The following CNTN5 variants were observed in gnomAD, a reference collection of about 807,000 sequenced individuals.
CNTN5 encodes the protein contactin-5.
A neutral mutation model predicts 129.1 loss-of-function variants in CNTN5; 77 were observed. The observed-to-expected ratio is 0.60, with a 90% CI of 0.50 to 0.72. The LOEUF is 0.72. Ranked by LOEUF, CNTN5 falls within the 30% of genes least tolerant of loss-of-function variation. CNTN5 has a pLI of 0.00. For missense variants in CNTN5, 1,478 were observed against 1,328.8 expected, an observed-to-expected ratio of 1.11 and a Z score of -1.75; for synonymous variants, 509 against 465.6, an observed-to-expected ratio of 1.09 and a Z score of -1.20.
chr11:99,906,086 G>A (rs1054286412), intron 6 of CNTN5, among the ~76,000 whole-genome samples: 5 of 152,122 alleles, frequency 3.3e-5, no homozygotes, highest in African/African-American at 9.7e-5. Flanking sequence ...TGCAAACAGA[G>A]ACAATTTGAC....
chr11:99,696,772 G>A (rs544770114), intron 3 of CNTN5, among the ~76,000 whole-genome samples: 79 of 151,966 alleles, frequency 5.2e-4, no homozygotes, highest in African/African-American at 1.8e-3. Context: ...TGGTATCTTG[G>A]TTTGGCAGTG....
At chr11:99,936,851 A>G (rs1950326843) in intron 7 of CNTN5, among the ~76,000 whole-genome samples, 1 of 152,298 alleles carries the variant, frequency 6.6e-6, no homozygotes, top group East Asian at 1.9e-4. Flanking sequence ...GATATGTTAT[A>G]AGAGTTAAAT....
Position 100,299,197 on chromosome 11 carries a change from C to A in CNTN5, c.2421C>A (p.Phe807Leu). The A allele has an allele frequency of 6.2e-7, 1 of 1,608,030 alleles. No individual in the cohort carries two copies. The highest frequency in any genetic ancestry group is 2.2e-5 in the East Asian group (1 of 44,680). Residue 807 changes from phenylalanine to leucine, a missense_variant, in exon 20 of 25, where the codon TTC becomes TTA. Phe to Leu is a conservative substitution (Grantham distance 22). Coordinates refer to ENST00000524871, the MANE Select transcript of CNTN5 (RefSeq NM_014361.4). ...AAGAGTTTCAGAATGGGGAAGGCTT[C>A]GGCTATATTGTGGCTTTCAGACCCA... is the stretch of plus-strand genomic sequence containing the variant. ...VSEEFQNGEGFGYIVAFRPNG... is the reference protein window; with the variant it reads ...VSEEFQNGEGLGYIVAFRPNG...
intron 1 of CNTN5, among the ~76,000 whole-genome samples, chr11:99,221,921 A>G (rs1388789595): frequency 2.0e-5 from 3 of 151,944 alleles, no homozygotes; most frequent in African/African-American, 7.2e-5. Context: ...ATCTACTGGA[A>G]TATATGACCA....
chr11:99,587,521 T>C (rs1203563672), intron 3 of CNTN5, among the ~76,000 whole-genome samples: 3 of 152,204 alleles, frequency 2.0e-5, no homozygotes, highest in African/African-American at 7.2e-5. Context: ...TGTTTGCTAC[T>C]AACGAGGATC....
chr11:99,687,352 C>G (rs1039394251), intron 3 of CNTN5, among the ~76,000 whole-genome samples: 2 of 152,014 alleles, frequency 1.3e-5, no homozygotes, highest in Non-Finnish European at 2.9e-5. Flanking sequence ...AGATGTCTGA[C>G]AATACAATAT....
intron 1 of CNTN5, among the ~76,000 whole-genome samples, chr11:99,054,123 A>G (rs1393103269): frequency 6.6e-6 from 1 of 151,974 alleles, no homozygotes; most frequent in African/African-American, 2.4e-5. Context: ...AGTCTTCAGG[A>G]TGCAAGAACT....
intron 3 of CNTN5, among the ~76,000 whole-genome samples, chr11:99,654,312 G>A (rs1324841053): frequency 6.6e-6 from 1 of 152,024 alleles, no homozygotes; most frequent in Non-Finnish European, 1.5e-5. Context: ...TTTTGAGATT[G>A]GTAGCCTCCT....
chr11:99,508,896 GT>G (rs1029971199), intron 2 of CNTN5, among the ~76,000 whole-genome samples: 1 of 152,000 alleles, frequency 6.6e-6, no homozygotes, highest in Admixed American at 6.5e-5. Context: ...GGCCAGGCTG[GT>G]TTCAAACTCC....
At chr11:99,418,495 A>G (rs976694951) in intron 2 of CNTN5, among the ~76,000 whole-genome samples, 2 of 152,170 alleles carry the variant, frequency 1.3e-5, no homozygotes, top group African/African-American at 4.8e-5. Flanking sequence ...TGATGCTGCA[A>G]ATTTTTAATT....
intron 1 of CNTN5, among the ~76,000 whole-genome samples, chr11:99,121,120 G>GTTCT (rs1365908774): frequency 1.4e-5 from 2 of 144,754 alleles, no homozygotes; most frequent in Admixed American, 6.9e-5. Flanking sequence ...GGTTTTAACT[G>GTTCT]TTCTTTCTTT....
chr11:99,608,460 T>C lies in CNTN5; in HGVS notation c.55+52191T>C, dbSNP rs1224071495. On this transcript the variant is annotated intron_variant, in intron 3 of 24. Coordinates refer to ENST00000524871, the MANE Select transcript of CNTN5 (RefSeq NM_014361.4). ...GTCAGAATGTGACTTTATTTGGAGA[T>C]TGGGCCTTTACAGAGGTAATCAATG... 1.2e-4 allele frequency among the ~76,000 whole-genome samples: 19 copies of C among 152,180 alleles called. 1 individual carries two copies. Among genetic ancestry groups the C allele is most frequent in the South Asian group, 6.2e-4 (3 of 4,834 alleles).
intron 7 of CNTN5, among the ~76,000 whole-genome samples, chr11:99,941,910 G>A (rs1950447826): frequency 6.6e-6 from 1 of 151,982 alleles, no homozygotes; most frequent in Non-Finnish European, 1.5e-5. Context: ...TATAAATTTA[G>A]TCTATTACCA....
intron 3 of CNTN5, among the ~76,000 whole-genome samples, chr11:99,614,561 G>T (rs528391907): frequency 9.6e-4 from 146 of 152,280 alleles, no homozygotes; most frequent in Middle Eastern, 3.4e-3. Context: ...AGCCTTAGGG[G>T]TTGGGAGGAG....
chr11:99,341,685 A>G (rs1410677030), intron 2 of CNTN5, among the ~76,000 whole-genome samples: 2 of 152,168 alleles, frequency 1.3e-5, no homozygotes, highest in African/African-American at 4.8e-5. Context: ...CAACAAAAAG[A>G]GGAAAAGAAA....
intron 3 of CNTN5, among the ~76,000 whole-genome samples, chr11:99,716,781 C>T (rs1955254985): frequency 1.3e-5 from 2 of 151,942 alleles, no homozygotes; most frequent in South Asian, 4.1e-4. Flanking sequence ...ATAATATATT[C>T]CAAGAATATG....
intron 1 of CNTN5, among the ~76,000 whole-genome samples, chr11:99,056,187 T>TGTA (rs1482960484): frequency 6.6e-6 from 1 of 151,980 alleles, no homozygotes; most frequent in African/African-American, 2.4e-5. Context: ...TGGTAAGCCA[T>TGTA]GTAGTATATA....
At position 99,431,409 on chromosome 11, in the gene CNTN5, T is replaced by C. The variant is rs1034338776; in HGVS notation, c.-71+105925T>C. 4.6e-5 allele frequency among the ~76,000 whole-genome samples: 7 copies of C among 152,140 alleles called. No homozygotes were observed. In the South Asian group the frequency reaches 1.0e-3, roughly 23 times the overall value. ...GAAAGGAGCTGCTAGCCATCCACCATCCTGGAAGCAGGAAAACTCACTTTT... is the reference window on the plus strand; with the variant it reads ...GAAAGGAGCTGCTAGCCATCCACCACCCTGGAAGCAGGAAAACTCACTTTT... On this transcript the variant is annotated intron_variant, in intron 2 of 24. Transcript: ENST00000524871.
At chr11:99,145,684 A>G (rs1421742575) in intron 1 of CNTN5, among the ~76,000 whole-genome samples, 1 of 152,074 alleles carries the variant, frequency 6.6e-6, no homozygotes, top group Non-Finnish European at 1.5e-5. Context: ...TTAGTAGGTA[A>G]AAGACATGTC....
Sources: allele counts gnomAD v4.1 joint callset (sites outside exome capture counted in the v4.1 genomes callset), GRCh38; gene constraint gnomAD v4.1.1; transcripts MANE v1.5; gene names NCBI Gene and HGNC (gene_info 2026-07-23, HGNC 2026-07-21).